VPS13C: variants seen among roughly 807,000 people sequenced by gnomAD.
The protein encoded by VPS13C is intermembrane lipid transfer protein VPS13C.
In VPS13C, 358 loss-of-function variants were observed where a neutral mutation model predicts 456.8. The observed-to-expected ratio is 0.78, with a 90% CI of 0.72 to 0.86. The LOEUF is 0.86. Among genes scored for constraint, VPS13C ranks in the 40% least tolerant of loss-of-function variants. VPS13C has a pLI of 0.00. For missense variants in VPS13C, 4,818 were observed against 4,385.4 expected, an observed-to-expected ratio of 1.10 and a Z score of -2.79; for synonymous variants, 1,578 against 1,486.7, an observed-to-expected ratio of 1.06 and a Z score of -1.41.
intron 66 of VPS13C, among the ~76,000 whole-genome samples, chr15:61,904,014 T>C (rs2043082168): frequency 1.3e-5 from 2 of 152,162 alleles, no homozygotes; most frequent in South Asian, 4.1e-4. Flanking sequence ...ATCTAGGACC[T>C]GATACCTTAG....
intron 65 of VPS13C, among the ~76,000 whole-genome samples, chr15:61,908,213 C>A (rs1265441495): frequency 6.6e-6 from 1 of 152,038 alleles, no homozygotes; most frequent in Admixed American, 6.6e-5. Context: ...AGTAATCCAA[C>A]TAGGTTTTAA....
At chr15:61,929,145 T>C (rs2043968818) in intron 51 of VPS13C, among the ~76,000 whole-genome samples, 1 of 152,180 alleles carries the variant, frequency 6.6e-6, no homozygotes, top group Non-Finnish European at 1.5e-5. Flanking sequence ...GCTTTAATAT[T>C]TTCAATTGTT....
chr15:61,999,626 T>C (rs2046529987), intron 16 of VPS13C, among the ~76,000 whole-genome samples: 1 of 152,174 alleles, frequency 6.6e-6, no homozygotes, highest in African/African-American at 2.4e-5. Context: ...TATTTATCTA[T>C]ATTTTCTAAT....
chr15:61,988,039 T>C (rs1270007947), intron 18 of VPS13C, among the ~76,000 whole-genome samples: 2 of 152,176 alleles, frequency 1.3e-5, no homozygotes, highest in Non-Finnish European at 2.9e-5. Context: ...TGAAATACTA[T>C]TCAGCAATGA....
intron 62 of VPS13C, among the ~76,000 whole-genome samples, chr15:61,913,059 A>G (rs1029507362): frequency 3.3e-5 from 5 of 150,772 alleles, no homozygotes; most frequent in Admixed American, 6.6e-5. Context: ...GTGGAGAAAT[A>G]GGAACACTTT....
chr15:61,872,502 A>T (rs1047199879), intron 78 of VPS13C, among the ~76,000 whole-genome samples: 1 of 152,176 alleles, frequency 6.6e-6, no homozygotes, highest in Non-Finnish European at 1.5e-5. Flanking sequence ...AACCTGGCAA[A>T]TAAAGTGCCT....
intron 42 of VPS13C, among the ~76,000 whole-genome samples, chr15:61,948,001 A>T (rs2140279900): frequency 6.6e-6 from 1 of 152,338 alleles, no homozygotes; most frequent in South Asian, 2.1e-4. Context: ...TTTCCTAAAA[A>T]TCTGTCTTGC....
intron 66 of VPS13C, among the ~76,000 whole-genome samples, chr15:61,892,025 C>G (rs967612170): frequency 2.0e-5 from 3 of 152,172 alleles, no homozygotes; most frequent in Non-Finnish European, 4.4e-5. Flanking sequence ...CTTAAGCTCA[C>G]AATTTCTACA....
intron 50 of VPS13C, 46 bp from the exon 51 acceptor site, chr15:61,929,794 T>C (rs371679674): frequency 5.9e-5 from 90 of 1,529,364 alleles, no homozygotes; most frequent in African/African-American, 9.7e-5. Context: ...GCTAAAACAA[T>C]AAAAAAGATG....
intron 5 of VPS13C, among the ~76,000 whole-genome samples, chr15:62,028,686 G>A (rs983222232): frequency 4.0e-5 from 6 of 151,790 alleles, no homozygotes; most frequent in South Asian, 2.1e-4. Flanking sequence ...TATCAATTTC[G>A]GCTAACGGCT....
chr15:61,951,781 T>C (rs2140292182), intron 39 of VPS13C, 43 bp downstream of exon 39: 2 of 1,560,786 alleles, frequency 1.3e-6, no homozygotes, highest in East Asian at 2.3e-5. Context: ...GTAGGGATCA[T>C]CTGCCTAATG....
chr15:61,953,313 T>C (rs1016310035), intron 38 of VPS13C, among the ~76,000 whole-genome samples: 1 of 151,780 alleles, frequency 6.6e-6, no homozygotes, highest in Non-Finnish European at 1.5e-5. Context: ...TATGTATACA[T>C]GTGCCATGCT....
intron 15 of VPS13C, among the ~76,000 whole-genome samples, chr15:62,001,452 C>A (rs898666666): frequency 6.6e-6 from 1 of 152,118 alleles, no homozygotes; most frequent in Non-Finnish European, 1.5e-5. Flanking sequence ...AGACATTAAG[C>A]AAATTATGTA....
intron 16 of VPS13C, among the ~76,000 whole-genome samples, chr15:61,998,031 T>A (rs1033643886): frequency 6.6e-6 from 1 of 152,096 alleles, no homozygotes; most frequent in Non-Finnish European, 1.5e-5. Flanking sequence ...GCCCTCCCAT[T>A]CCTCTGCTAC....
chr15:61,907,403 G>A lies in VPS13C; in HGVS notation c.8979-13C>T, dbSNP rs1039290462. The A allele has an allele frequency of 6.2e-7, 1 of 1,612,118 alleles. No homozygotes were observed. Among genetic ancestry groups the A allele is most frequent in the East Asian group, 2.2e-5 (1 of 44,860 alleles). On this transcript the variant is annotated splice_polypyrimidine_tract_variant and intron_variant, in intron 65 of 84. Transcript: ENST00000644861. ...TTCTGGTGACCCACTAAAACACAAT[G>A]AACAGAGAGAAAATCAGAATATCTT... is the stretch of plus-strand genomic sequence containing the variant.
At chr15:61,864,248 T>C in intron 81 of VPS13C, 1 of 764,680 alleles carries the variant, frequency 1.3e-6, no homozygotes, top group East Asian at 1.3e-4. Flanking sequence ...GATTTCAAAA[T>C]AGCTGGCACA....
chr15:62,005,509 C>T (rs2046801417), intron 15 of VPS13C, among the ~76,000 whole-genome samples: 1 of 151,868 alleles, frequency 6.6e-6, no homozygotes, highest in Non-Finnish European at 1.5e-5. Flanking sequence ...AGCATTTAGT[C>T]CATTTACATT....
chr15:62,054,562 G>T (rs2048726954), intron 1 of VPS13C, among the ~76,000 whole-genome samples: 1 of 151,970 alleles, frequency 6.6e-6, no homozygotes, highest in Admixed American at 6.5e-5. Flanking sequence ...CACACACCAG[G>T]GCCTGTCAGG....
At chr15:61,915,468 T>C (rs2043441418) in intron 61 of VPS13C, among the ~76,000 whole-genome samples, 165 bp downstream of exon 61, 2 of 152,336 alleles carry the variant, frequency 1.3e-5, no homozygotes, top group East Asian at 1.9e-4. Context: ...GGAAACCTAT[T>C]AGTTCCTAAC....
Sources: allele counts gnomAD v4.1 joint callset (sites outside exome capture counted in the v4.1 genomes callset), GRCh38; gene constraint gnomAD v4.1.1; transcripts MANE v1.5; gene names NCBI Gene and HGNC (gene_info 2026-07-23, HGNC 2026-07-21).